SGIP1: variants seen among roughly 807,000 people sequenced by gnomAD.
SGIP1 encodes the protein SH3-containing GRB2-like protein 3-interacting protein 1.
Under a neutral mutation model 107.5 loss-of-function variants are expected in SGIP1, and 38 were observed. The ratio of observed to expected loss-of-function variants is 0.35; its 90% CI spans 0.27 to 0.46. The LOEUF is 0.46. Ranked by LOEUF, SGIP1 falls within the 20% of genes least tolerant of loss-of-function variation. The pLI, the probability that SGIP1 is intolerant of heterozygous loss-of-function variation, is 1.00. For synonymous variants in SGIP1, 365 were observed against 366.1 expected (o/e 1.00, Z 0.03); for missense variants, 929 against 1,019.5 (o/e 0.91, Z 1.21).
chr1:66,639,434 G>A (rs1052695051), intron 4 of SGIP1, among the ~76,000 whole-genome samples: 2 of 152,028 alleles, frequency 1.3e-5, no homozygotes, highest in Non-Finnish European at 2.9e-5. Flanking sequence ...ATATATACAC[G>A]GCTATATCTC....
At chr1:66,690,071 G>A (rs1232582026) in intron 16 of SGIP1, 119 bp from the exon 17 acceptor site, 2 of 1,140,180 alleles carry the variant, frequency 1.8e-6, no homozygotes, top group Non-Finnish European at 2.5e-6. Flanking sequence ...TAAAAATGGT[G>A]TCATCTATTC....
intron 1 of SGIP1, among the ~76,000 whole-genome samples, chr1:66,567,644 A>T (rs186986363): frequency 6.6e-6 from 1 of 152,028 alleles, no homozygotes; most frequent in Non-Finnish European, 1.5e-5. Context: ...TAGGTTTTAC[A>T]TTTAAGTTTT....
chr1:66,572,968 T>C (rs1364541704), intron 1 of SGIP1, among the ~76,000 whole-genome samples: 5 of 152,070 alleles, frequency 3.3e-5, no homozygotes, highest in Non-Finnish European at 7.4e-5. Context: ...AAAAGATATA[T>C]TGCATTATTC....
chr1:66,597,568 C>A (rs952813125), intron 1 of SGIP1, among the ~76,000 whole-genome samples: 1 of 152,174 alleles, frequency 6.6e-6, no homozygotes, highest in African/African-American at 2.4e-5. Flanking sequence ...AGCCCTGATT[C>A]TCCAGTCTAT....
intron 16 of SGIP1, 35 bp downstream of exon 16, chr1:66,689,310 A>T (rs1305688988): frequency 6.3e-7 from 1 of 1,598,022 alleles, no homozygotes; most frequent in Non-Finnish European, 8.5e-7. Context: ...GCTCAGAAAC[A>T]GTGAGAATGA....
chr1:66,707,617 A>C (rs1410328098), intron 18 of SGIP1, among the ~76,000 whole-genome samples: 2 of 152,168 alleles, frequency 1.3e-5, no homozygotes, highest in Non-Finnish European at 2.9e-5. Flanking sequence ...GTCATAACCT[A>C]CTTGTTTCAT....
intron 1 of SGIP1, among the ~76,000 whole-genome samples, chr1:66,604,345 T>C (rs904074145): frequency 4.6e-5 from 7 of 152,142 alleles, no homozygotes; most frequent in Non-Finnish European, 8.8e-5. Context: ...AAATAATGAA[T>C]GAAAAAGCAT....
intron 1 of SGIP1, among the ~76,000 whole-genome samples, chr1:66,539,743 C>A (rs1273292416): frequency 6.6e-6 from 1 of 152,170 alleles, no homozygotes; most frequent in Non-Finnish European, 1.5e-5. Flanking sequence ...CATGGAGTTA[C>A]CAATTCTCTT....
In SGIP1 at chr1:66,729,408, A is replaced by G. The variant is rs746237636; in HGVS notation, c.1887A>G (p.Gln629=). 3.1e-6 allele frequency: 5 copies of G among 1,613,964 alleles called. No individual in the cohort carries two copies. The African/African-American group carries it at 5.3e-5, about 17-fold the overall frequency. Residue 629 remains glutamine, a synonymous_variant, in exon 20 of 25, where the codon CAA becomes CAG. Coordinates refer to ENST00000371037, the MANE Select transcript of SGIP1 (RefSeq NM_032291.4). ...TAGAACACGTCCTGCCAAACCCCCA[A>G]CTTCTCTGCTGGTAAATATGATTTT... The part of the protein sequence containing the change: ...SRLEHVLPNP[Q]LLCCDNTQND...
At chr1:66,534,034 T>G, upstream of SGIP1, 4 of 425,512 alleles carry the variant, frequency 9.4e-6, no homozygotes, top group Non-Finnish European at 1.3e-5. Flanking sequence ...TCCGGGGGTA[T>G]TGTGTCAGGA....
rs201485972 is a variant in SGIP1 at position 66,621,827 on chromosome 1, AT to A, written c.11-4016del. Among the ~76,000 whole-genome samples the A allele has an allele frequency of 8.4e-3, 1,276 of 152,332 alleles. 15 individuals are homozygous for A. Among genetic ancestry groups the A allele is most frequent in the African/African-American group, 0.027 (1,118 of 41,560 alleles). On this transcript the variant is annotated intron_variant, in intron 1 of 24. Transcript: ENST00000371037. ...GTATTCCATTGCATGGCTAGGCCACATTTTGCTTATCCATTTATCTGTTGAT... is the reference window on the plus strand; with the variant it reads ...GTATTCCATTGCATGGCTAGGCCACATTTGCTTATCCATTTATCTGTTGAT...
chr1:66,676,731 C>T (rs1451755173), intron 12 of SGIP1, among the ~76,000 whole-genome samples: 1 of 152,060 alleles, frequency 6.6e-6, no homozygotes, highest in Non-Finnish European at 1.5e-5. Context: ...CTTACGTGAC[C>T]ACCCAGGAAG....
At chr1:66,547,171 A>G (rs2056557282) in intron 1 of SGIP1, among the ~76,000 whole-genome samples, 1 of 152,190 alleles carries the variant, frequency 6.6e-6, no homozygotes, top group Non-Finnish European at 1.5e-5. Context: ...TCCCTGCTAC[A>G]GGCAACCCCT....
At chr1:66,711,806 G>A (rs985440136) in intron 18 of SGIP1, among the ~76,000 whole-genome samples, 13 of 148,446 alleles carry the variant, frequency 8.8e-5, no homozygotes, top group African/African-American at 3.4e-4. Flanking sequence ...TGTGTTTTCA[G>A]GGTGACTGTT....
chr1:66,667,188 C>CA (rs370461311), intron 8 of SGIP1, among the ~76,000 whole-genome samples: 297 of 152,154 alleles, frequency 2.0e-3, no homozygotes, highest in Non-Finnish European at 3.6e-3. Context: ...TACCCCCCCC[C>CA]AAACTATCTG....
At chr1:66,679,552 A>G (rs527768416) in intron 13 of SGIP1, 126 bp from the exon 14 acceptor site, 4 of 968,746 alleles carry the variant, frequency 4.1e-6, no homozygotes, top group East Asian at 5.6e-5. Context: ...GAAGTAGACC[A>G]TTAATTGCTA....
At chr1:66,558,989 C>T (rs1215915203) in intron 1 of SGIP1, among the ~76,000 whole-genome samples, 1 of 151,932 alleles carries the variant, frequency 6.6e-6, no homozygotes, top group Non-Finnish European at 1.5e-5. Flanking sequence ...CTTCCATGCC[C>T]TTTATTTCAT....
In SGIP1 at chr1:66,741,804, A is replaced by G. The variant is rs112622555; in HGVS notation, c.2464+368A>G. Among the ~76,000 whole-genome samples, 1,098 of 150,400 alleles carry G rather than the reference A, an allele frequency of 7.3e-3. 12 individuals are homozygous for G. The highest frequency in any genetic ancestry group is 0.026 in the African/African-American group (1,058 of 40,864). On this transcript the variant is annotated intron_variant, in intron 24 of 24. Transcript: ENST00000371037. Reference sequence around the variant, plus strand: ...TTTTGGTGAGACGGAGTCTCTCTCTATTGCCCAGGCTGGACTGCAGTGGCG... The same window carrying G: ...TTTTGGTGAGACGGAGTCTCTCTCTGTTGCCCAGGCTGGACTGCAGTGGCG...
chr1:66,703,598 A>G (rs1190248059), intron 18 of SGIP1, among the ~76,000 whole-genome samples: 4 of 151,432 alleles, frequency 2.6e-5, no homozygotes, highest in Admixed American at 6.6e-5. Flanking sequence ...ATATGATATG[A>G]TATGTATCAC....
Sources: gnomAD v4.1 joint callset for allele counts (sites outside exome capture counted in the v4.1 genomes callset) on GRCh38, gnomAD v4.1.1 for gene constraint, MANE v1.5 for transcripts, NCBI Gene and HGNC (gene_info 2026-07-23, HGNC 2026-07-21) for gene names.